The following CPA6 variants were observed in gnomAD, a reference collection of about 807,000 sequenced individuals.
CPA6 encodes the protein carboxypeptidase A6.
In CPA6, 58 loss-of-function variants were observed where a neutral mutation model predicts 63.3. The observed-to-expected ratio is 0.92, with a 90% confidence interval of 0.74 to 1.14. CPA6 has a LOEUF of 1.14. CPA6 is among the 50% of genes most tolerant of loss of function. CPA6 has a pLI of 0.00. For synonymous variants in CPA6, 185 were observed against 179.0 expected, an observed-to-expected ratio of 1.03 and a Z score of -0.27; for missense variants, 565 against 526.6, an observed-to-expected ratio of 1.07 and a Z score of -0.71.
chr8:67,499,374 G>T (rs1811788028), intron 6 of CPA6, among the ~76,000 whole-genome samples: 1 of 152,250 alleles, frequency 6.6e-6, no homozygotes, highest in African/African-American at 2.4e-5. Flanking sequence ...GAAGCACCTG[G>T]TTCCAAAGAA....
chr8:67,728,396 A>T (rs1817644179), intron 1 of CPA6, among the ~76,000 whole-genome samples: 1 of 152,032 alleles, frequency 6.6e-6, no homozygotes, highest in Non-Finnish European at 1.5e-5. Context: ...GGGGAGTGAG[A>T]ATTTTCCTTT....
intron 10 of CPA6, among the ~76,000 whole-genome samples, chr8:67,426,473 A>T (rs1809887917): frequency 6.6e-6 from 1 of 152,170 alleles, no homozygotes; most frequent in Non-Finnish European, 1.5e-5. Flanking sequence ...GTGGCCACTG[A>T]AAAACAGTTC....
chr8:67,575,917 C>G (rs1319592217), intron 2 of CPA6, among the ~76,000 whole-genome samples: 1 of 151,304 alleles, frequency 6.6e-6, no homozygotes, highest in African/African-American at 2.4e-5. Flanking sequence ...TGAAATAAAC[C>G]AAACACAGAA....
At chr8:67,626,041 C>T (rs1416269543) in intron 1 of CPA6, among the ~76,000 whole-genome samples, 1 of 152,168 alleles carries the variant, frequency 6.6e-6, no homozygotes, top group Non-Finnish European at 1.5e-5. Flanking sequence ...TCTTTGCTCC[C>T]TCTTTCTCCT....
intron 1 of CPA6, among the ~76,000 whole-genome samples, chr8:67,694,733 G>A (rs772007399): frequency 1.3e-5 from 2 of 152,192 alleles, no homozygotes; most frequent in Non-Finnish European, 2.9e-5. Context: ...CAATACGCAG[G>A]CACTATCTGA....
Position 67,681,250 on chromosome 8 carries a change from C to T in CPA6, c.117-56999G>A, listed in dbSNP as rs1018242373. Among the ~76,000 whole-genome samples, 445 of 123,302 alleles carry T rather than the reference C, an allele frequency of 3.6e-3. 1 individual carries two copies. The highest frequency in any genetic ancestry group is 5.0e-3 in the Non-Finnish European group (311 of 61,896). The allele number at this position is 123,302 out of a possible 152,430, so 80.9% of individuals were successfully genotyped here. A position where few individuals can be genotyped will look rare whatever the true frequency, so the allele number is the denominator to read the frequency against. On this transcript the variant is annotated intron_variant, in intron 1 of 10. Transcript: ENST00000297770. Reference sequence around the variant, plus strand: ...CGGAGTCTCGCTCTGTCGCCCAGGCCGGACTGCGGACTGCAGTGGCGCAAT... The same window carrying T: ...CGGAGTCTCGCTCTGTCGCCCAGGCTGGACTGCGGACTGCAGTGGCGCAAT...
At position 67,548,972 on chromosome 8, in the gene CPA6, G is replaced by A. The variant is rs139139904; in HGVS notation, c.193-30925C>T. On this transcript the variant is annotated intron_variant, in intron 2 of 10. Coordinates refer to ENST00000297770, the MANE Select transcript of CPA6 (RefSeq NM_020361.5). ...TGGGGTCCAAAGGACACAGTGCCTT[G>A]TGAGACAGAATAGAATTTACAGCTG... 8.4e-3 allele frequency among the ~76,000 whole-genome samples: 1,279 copies of A among 152,332 alleles called. 13 individuals carry two copies. The highest frequency in any genetic ancestry group is 0.015 in the Admixed American group (235 of 15,300).
chr8:67,589,385 G>A (rs909925234), intron 2 of CPA6, among the ~76,000 whole-genome samples: 4 of 152,130 alleles, frequency 2.6e-5, no homozygotes, highest in Non-Finnish European at 4.4e-5. Flanking sequence ...AAGGCTTATT[G>A]CCTATGCGAT....
chr8:67,472,375 T>TTATTTTA (rs1264219658), intron 8 of CPA6, among the ~76,000 whole-genome samples: 3 of 68,906 alleles, frequency 4.4e-5, no homozygotes, highest in African/African-American at 1.6e-4. Flanking sequence ...AAGATTTATT[T>TTATTTTA]TTTTATTTTA....
At chr8:67,724,317 G>T (rs1817557040) in intron 1 of CPA6, among the ~76,000 whole-genome samples, 1 of 152,110 alleles carries the variant, frequency 6.6e-6, no homozygotes, top group African/African-American at 2.4e-5. Context: ...GTTGCCTTTG[G>T]TAAACCTCAC....
chr8:67,505,868 A>G (rs1278546453), intron 6 of CPA6, among the ~76,000 whole-genome samples: 1 of 152,200 alleles, frequency 6.6e-6, no homozygotes, highest in East Asian at 1.9e-4. Flanking sequence ...ACAGTAAAAT[A>G]TAACCGATAT....
chr8:67,737,453 C>G (rs1010669419), intron 1 of CPA6, among the ~76,000 whole-genome samples: 5 of 151,670 alleles, frequency 3.3e-5, no homozygotes, highest in Admixed American at 3.3e-4. Flanking sequence ...TGTTTTTTTT[C>G]CCCCCTTTGC....
chr8:67,573,819 G>C (rs1398650452), intron 2 of CPA6, among the ~76,000 whole-genome samples: 1 of 146,238 alleles, frequency 6.8e-6, no homozygotes, highest in Non-Finnish European at 1.5e-5. Flanking sequence ...ATGAACCCGG[G>C]AGGCAGAGCT....
At chr8:67,710,449 T>C (rs1817236633) in intron 1 of CPA6, among the ~76,000 whole-genome samples, 1 of 131,724 alleles carries the variant, frequency 7.6e-6, no homozygotes, top group African/African-American at 2.9e-5. Context: ...GCAGGGCCAT[T>C]TCAAAATATG....
At chr8:67,599,460 G>A (rs1814435688) in intron 2 of CPA6, among the ~76,000 whole-genome samples, 1 of 152,038 alleles carries the variant, frequency 6.6e-6, no homozygotes, top group African/African-American at 2.4e-5. Flanking sequence ...ATACAAACCC[G>A]CCTAGCCAGA....
chr8:67,602,226 C>A (rs578030712), intron 2 of CPA6, among the ~76,000 whole-genome samples: 1 of 152,130 alleles, frequency 6.6e-6, no homozygotes, highest in South Asian at 2.1e-4. Context: ...TATATACCTA[C>A]AAATTTATGC....
At chr8:67,475,881 C>CTTTCTTTCTCCTTT (rs1491556290) in intron 8 of CPA6, among the ~76,000 whole-genome samples, 1 of 43,154 alleles carries the variant, frequency 2.3e-5, no homozygotes, top group Non-Finnish European at 4.6e-5. Flanking sequence ...CTTTCTTTCT[C>CTTTCTTTCTCCTTT]CTTTCTTTCT....
At chr8:67,457,288 A>C (rs1372136235) in intron 8 of CPA6, among the ~76,000 whole-genome samples, 2 of 152,218 alleles carry the variant, frequency 1.3e-5, no homozygotes, top group Non-Finnish European at 2.9e-5. Flanking sequence ...TACTGCTCTT[A>C]AAAATTTATT....
chr8:67,599,487 G>A lies in CPA6; in HGVS notation c.192+24689C>T, dbSNP rs190030367. On this transcript the variant is annotated intron_variant, in intron 2 of 10. Transcript: ENST00000297770. ...CTAGCCAGAGTCTTGGTGATTCCCC[G>A]TGTGCTTCCCCTTATGGCCTAATAG... is the stretch of plus-strand genomic sequence containing the variant. Among the ~76,000 whole-genome samples the A allele has an allele frequency of 2.0e-3, 302 of 152,196 alleles. 1 individual carries two copies. Among genetic ancestry groups the A allele is most frequent in the African/African-American group, 6.9e-3 (287 of 41,524 alleles).
Sources: gnomAD v4.1 joint callset for allele counts (sites outside exome capture counted in the v4.1 genomes callset) on GRCh38, gnomAD v4.1.1 for gene constraint, MANE v1.5 for transcripts, NCBI Gene and HGNC (gene_info 2026-07-23, HGNC 2026-07-21) for gene names.